Variants in GPR158 observed in about 807,000 individuals in gnomAD.
GPR158 encodes metabotropic glycine receptor.
GPR158 carries 30 observed loss-of-function variants against 78.2 expected under a neutral mutation model. The ratio of observed to expected loss-of-function variants is 0.38; its 90% CI spans 0.29 to 0.52. The LOEUF (loss-of-function observed/expected upper bound fraction) is 0.52, where lower values mean the gene tolerates loss of function less well. Among genes scored for constraint, GPR158 ranks in the 20% least tolerant of loss-of-function variants. The pLI is 0.83. For synonymous variants in GPR158, 581 were observed against 591.1 expected (o/e 0.98, Z 0.25); for missense variants, 1,463 against 1,523.5 (o/e 0.96, Z 0.66).
At chr10:25,319,021 T>G (rs1854904920) in intron 2 of GPR158, among the ~76,000 whole-genome samples, 2 of 152,174 alleles carry the variant, frequency 1.3e-5, no homozygotes, top group South Asian at 4.1e-4. Flanking sequence ...TAGGACTAAA[T>G]TGTTTGGTAT....
chr10:25,395,292 A>C (rs1463227925), intron 2 of GPR158, among the ~76,000 whole-genome samples: 2 of 152,192 alleles, frequency 1.3e-5, no homozygotes, highest in Non-Finnish European at 2.9e-5. Context: ...TATGTAAAAC[A>C]TTTATCTATT....
At chr10:25,287,436 A>G (rs1854368155) in intron 2 of GPR158, among the ~76,000 whole-genome samples, 1 of 152,010 alleles carries the variant, frequency 6.6e-6, no homozygotes, top group South Asian at 2.1e-4. Flanking sequence ...GCCTTGAAGG[A>G]TGCTATCTTA....
intron 1 of GPR158, among the ~76,000 whole-genome samples, chr10:25,210,219 A>G (rs961065308): frequency 6.6e-6 from 1 of 152,174 alleles, no homozygotes. Context: ...AATTTTGATT[A>G]AATAGTTGTT....
At chr10:25,494,181 A>T (rs1206432757) in intron 5 of GPR158, among the ~76,000 whole-genome samples, 1 of 152,172 alleles carries the variant, frequency 6.6e-6, no homozygotes, top group Non-Finnish European at 1.5e-5. Flanking sequence ...CTAACATGAT[A>T]CCTGAGGTTG....
intron 5 of GPR158, among the ~76,000 whole-genome samples, chr10:25,527,152 A>T (rs1836359614): frequency 6.6e-6 from 1 of 152,238 alleles, no homozygotes; most frequent in African/African-American, 2.4e-5. Flanking sequence ...GGAAAAGATA[A>T]GACAGAGCTA....
At chr10:25,387,516 A>ATT (rs57404980) in intron 2 of GPR158, among the ~76,000 whole-genome samples, 4,749 of 140,420 alleles carry the variant, frequency 0.034, 181 homozygotes, top group East Asian at 0.22. Context: ...TTCTCTTCAA[A>ATT]TTTTTTTTTT....
intron 1 of GPR158, among the ~76,000 whole-genome samples, chr10:25,206,197 C>T (rs2130662477): frequency 6.6e-6 from 1 of 152,170 alleles, no homozygotes; most frequent in Non-Finnish European, 1.5e-5. Context: ...CCGTGTTAGC[C>T]AGGATGGTCT....
At chr10:25,318,800 A>G (rs1854902275) in intron 2 of GPR158, among the ~76,000 whole-genome samples, 1 of 152,178 alleles carries the variant, frequency 6.6e-6, no homozygotes, top group Admixed American at 6.5e-5. Flanking sequence ...TAAATCCATC[A>G]GTTGCTTATA....
At chr10:25,423,792 A>G (rs7916292) in intron 4 of GPR158, among the ~76,000 whole-genome samples, 1 of 151,986 alleles carries the variant, frequency 6.6e-6, no homozygotes, top group East Asian at 1.9e-4. Flanking sequence ...CATTGATGGA[A>G]ATTTGGGTTG....
At chr10:25,282,289 T>C (rs1248000122) in intron 2 of GPR158, among the ~76,000 whole-genome samples, 1 of 152,238 alleles carries the variant, frequency 6.6e-6, no homozygotes, top group Non-Finnish European at 1.5e-5. Flanking sequence ...TTCATTCATA[T>C]TGTTGTATGT....
At chr10:25,389,852 T>G (rs1413834962) in intron 2 of GPR158, among the ~76,000 whole-genome samples, 1 of 152,136 alleles carries the variant, frequency 6.6e-6, no homozygotes, top group Non-Finnish European at 1.5e-5. Flanking sequence ...GCTGTTGATA[T>G]GGTTTGGCTT....
At chr10:25,184,477 C>T (rs1195267151) in intron 1 of GPR158, among the ~76,000 whole-genome samples, 1 of 152,176 alleles carries the variant, frequency 6.6e-6, no homozygotes, top group African/African-American at 2.4e-5. Flanking sequence ...TGTTATTTGT[C>T]TTCGTAATAG....
At chr10:25,497,959 G>A (rs887271392) in intron 5 of GPR158, among the ~76,000 whole-genome samples, 7 of 152,132 alleles carry the variant, frequency 4.6e-5, no homozygotes, top group Admixed American at 3.9e-4. Flanking sequence ...ATGTTTAAAT[G>A]TGGCTTCACT....
intron 5 of GPR158, among the ~76,000 whole-genome samples, chr10:25,541,067 G>A (rs944636280): frequency 2.6e-5 from 4 of 151,092 alleles, no homozygotes; most frequent in Non-Finnish European, 5.9e-5. Context: ...CACAAGGAAT[G>A]TACCACTTTA....
At chr10:25,345,710 G>A (rs7474744) in intron 2 of GPR158, among the ~76,000 whole-genome samples, 6 of 151,806 alleles carry the variant, frequency 4.0e-5, no homozygotes, top group Non-Finnish European at 8.8e-5. Flanking sequence ...GACTTTCATC[G>A]CAGTTTTCAC....
At chr10:25,310,161 T>C (rs538585330) in intron 2 of GPR158, among the ~76,000 whole-genome samples, 2 of 152,336 alleles carry the variant, frequency 1.3e-5, no homozygotes, top group South Asian at 4.1e-4. Flanking sequence ...AAGACTGTCC[T>C]TTCCCTGTTG....
intron 4 of GPR158, among the ~76,000 whole-genome samples, chr10:25,435,810 GAC>G (rs1834990415): frequency 1.3e-5 from 2 of 152,312 alleles, no homozygotes; most frequent in African/African-American, 4.8e-5. Flanking sequence ...TGGGGGAAAT[GAC>G]AAGAAGTCTC....
chr10:25,196,229 T>TA (rs914573569), intron 1 of GPR158, among the ~76,000 whole-genome samples: 36 of 149,510 alleles, frequency 2.4e-4, no homozygotes, highest in African/African-American at 3.2e-4. Context: ...TTTTCTCCTT[T>TA]AAAAAAAAAA....
chr10:25,554,024 G>T (rs139910284), intron 6 of GPR158, among the ~76,000 whole-genome samples: 70 of 152,102 alleles, frequency 4.6e-4, no homozygotes, highest in African/African-American at 1.6e-3. Context: ...AATGGATTTC[G>T]CTGAACAGAA....
Sources: allele counts gnomAD v4.1 joint callset (sites outside exome capture counted in the v4.1 genomes callset), GRCh38; gene constraint gnomAD v4.1.1; transcripts MANE v1.5; gene names NCBI Gene and HGNC (gene_info 2026-07-23, HGNC 2026-07-21).